The following CYP2F1 variants were observed in gnomAD, a reference collection of about 807,000 sequenced individuals.
CYP2F1 encodes the protein cytochrome P450 2F1.
CYP2F1 carries 33 observed loss-of-function variants against 40.4 expected under a neutral mutation model. The ratio of observed to expected loss-of-function variants is 0.82; its 90% CI spans 0.62 to 1.09. The LOEUF is 1.09. Among genes scored for constraint, CYP2F1 ranks in the 50% least tolerant of loss-of-function variants. The probability of loss-of-function intolerance (pLI) is 0.00; values close to 1 mark genes in which losing one functional copy is unlikely to be tolerated. For synonymous variants in CYP2F1, 235 were observed against 277.2 expected (o/e 0.85, Z 1.51); for missense variants, 566 against 655.7 (o/e 0.86, Z 1.49).
chr19:41,126,204 T>A (rs1046292090), intron 9 of CYP2F1, among the ~76,000 whole-genome samples: 1 of 151,826 alleles, frequency 6.6e-6, no homozygotes, highest in African/African-American at 2.4e-5. Context: ...GGCGGGCAGA[T>A]TACCTGAAGT....
intron 1 of CYP2F1, among the ~76,000 whole-genome samples, chr19:41,115,773 AAAAG>A (rs575781304): frequency 6.6e-4 from 100 of 150,664 alleles, no homozygotes; most frequent in African/African-American, 1.9e-3. Context: ...AGAAAAAGAA[AAAAG>A]AAAGAAAGAA....
At position 41,124,012 on chromosome 19, in the gene CYP2F1, C is replaced by A. The variant is rs1337932250; in HGVS notation, c.965-707C>A. The stretch of plus-strand genomic sequence containing the variant: ...CCCCAAGCTCCATCTCTGGGTGTAT[C>A]CCCTGCTCTGCCCCTGATCTCCAGC... On this transcript the variant is annotated intron_variant, in intron 7 of 9. Coordinates refer to ENST00000331105, the MANE Select transcript of CYP2F1 (RefSeq NM_000774.5). 1.7e-4 allele frequency among the ~76,000 whole-genome samples: 26 copies of A among 151,962 alleles called. 1 individual carries two copies. Among genetic ancestry groups the A allele is most frequent in the Admixed American group, 1.7e-3 (26 of 15,248 alleles).
intron 7 of CYP2F1, 190 bp downstream of exon 7, chr19:41,123,153 C>T (rs144438871): frequency 2.8e-4 from 199 of 716,622 alleles, no homozygotes; most frequent in East Asian, 2.0e-3. Flanking sequence ...GCAGCCTGCC[C>T]GAATCCCGAC....
intron 3 of CYP2F1, 131 bp downstream of exon 3, chr19:41,116,748 T>C: frequency 9.5e-7 from 1 of 1,050,176 alleles, no homozygotes; most frequent in Non-Finnish European, 1.4e-6. Flanking sequence ...CCAAATGCAA[T>C]GCAGCGAGGC....
chr19:41,123,222 G>T, intron 7 of CYP2F1: 1 of 564,624 alleles, frequency 1.8e-6, no homozygotes, highest in Non-Finnish European at 3.4e-6. Context: ...TTTGGAGACG[G>T]AGTCTGGCTC....
intron 4 of CYP2F1, 98 bp from the exon 5 acceptor site, chr19:41,121,360 G>T: frequency 3.2e-6 from 4 of 1,243,822 alleles, no homozygotes; most frequent in Middle Eastern, 2.0e-4. Flanking sequence ...ACGTTGCCAT[G>T]GTTGAGTCGG....
intron 3 of CYP2F1, among the ~76,000 whole-genome samples, chr19:41,117,479 T>C (rs540480998): frequency 2.6e-5 from 4 of 152,106 alleles, no homozygotes; most frequent in Admixed American, 6.6e-5. Context: ...CCCCATCTCC[T>C]AACCCAATTA....
rs565296541 is a variant in CYP2F1 at position 41,128,237 on chromosome 19, C to G, written c.*155C>G. On this transcript the variant is annotated 3_prime_UTR_variant, in exon 10 of 10. Transcript: ENST00000331105. ...TGCCGCGTGCCCTTCCCCCATCCCT[C>G]CAATCTGTGCCCCGTCTGCAGGGCA... The G allele has an allele frequency of 4.5e-6, 3 of 667,178 alleles. 1 individual carries two copies. In the African/African-American group the frequency reaches 6.0e-5, roughly 13 times the overall value. 41.3% of individuals were successfully genotyped at this position (667,178 alleles called of 1,614,324 possible). A position where few individuals can be genotyped will look rare whatever the true frequency, so the allele number is the denominator to read the frequency against.
At chr19:41,123,978 G>A (rs1211667934) in intron 7 of CYP2F1, among the ~76,000 whole-genome samples, 1 of 151,946 alleles carries the variant, frequency 6.6e-6, no homozygotes, top group Non-Finnish European at 1.5e-5. Flanking sequence ...TCTGTCTGCT[G>A]CTCCACCTCC....
intron 1 of CYP2F1, among the ~76,000 whole-genome samples, chr19:41,115,930 T>C (rs1222700091): frequency 6.6e-6 from 1 of 152,070 alleles, no homozygotes; most frequent in Non-Finnish European, 1.5e-5. Flanking sequence ...CCTCTCTTAG[T>C]CTCTGTTCCT....
At position 41,119,742 on chromosome 19, in the gene CYP2F1, T is replaced by TACAC. The variant is rs1163848947; in HGVS notation, c.335-604_335-603insCACA. Among the ~76,000 whole-genome samples the TACAC allele has an allele frequency of 1.0e-3, 74 of 71,432 alleles. 1 individual carries two copies. The South Asian group carries it at 0.011, about 10-fold the overall frequency. The allele number at this position is 71,432 out of a possible 152,430, so 46.9% of individuals were successfully genotyped here. ...CTCTCTCTATATATATATATATATA[T>TACAC]ATATATACACACACACACACACACA... On this transcript the variant is annotated intron_variant, in intron 3 of 9. Coordinates refer to ENST00000331105, the MANE Select transcript of CYP2F1 (RefSeq NM_000774.5).
chr19:41,128,091 C>A lies in CYP2F1; in HGVS notation c.*9C>A, dbSNP rs2032617843. The A allele has an allele frequency of 1.9e-6, 3 of 1,597,246 alleles. No homozygotes were observed. The highest frequency in any genetic ancestry group is 2.6e-6 in the Non-Finnish European group (3 of 1,172,182). ...GCCTGCGCCCGCGCTAACGCCCCGG[C>A]CCTTCCAGATTCGCCTGTGAGCGAT... is the stretch of plus-strand genomic sequence containing the variant. On this transcript the variant is annotated 3_prime_UTR_variant, in exon 10 of 10. Transcript: ENST00000331105.
In CYP2F1 at chr19:41,124,785, C is replaced by T. The variant is rs761170962; in HGVS notation, c.1031C>T (p.Ala344Val). 34 of 1,610,042 alleles carry T rather than the reference C, an allele frequency of 2.1e-5. 1 individual carries two copies. In the South Asian group the frequency reaches 3.6e-4, roughly 17 times the overall value. ...CGGCTGCCGGCGCTGAAGGACCGCG[C>T]GGCCATGCCTTACACAGACGCGGTG... ...RARLPALKDR[A>V]AMPYTDAVIH... The change falls in exon 8 of 10, where the codon GCG (alanine) becomes GTG (valine). Residue 344 changes from alanine to valine, a missense_variant. Ala to Val is a moderately conservative substitution (Grantham distance 64). Transcript: ENST00000331105.
intron 1 of CYP2F1, among the ~76,000 whole-genome samples, chr19:41,114,770 T>TTCTCTCTC (rs201163201): frequency 7.4e-6 from 1 of 134,788 alleles, no homozygotes; most frequent in Non-Finnish European, 1.6e-5. Context: ...CTCCGTCTCT[T>TTCTCTCTC]TCTCTCTCTC....
Position 41,121,893 on chromosome 19 carries a change from C to A in CYP2F1, c.646-64C>A, listed in dbSNP as rs186594644. Reference sequence around the variant, plus strand: ...TCCCTGCCTACCTAATCCACACTGACCCCATTCGCCCCTGAACACCCTTTG... The same window carrying A: ...TCCCTGCCTACCTAATCCACACTGAACCCATTCGCCCCTGAACACCCTTTG... On this transcript the variant is annotated intron_variant, in intron 5 of 9. Coordinates refer to ENST00000331105, the MANE Select transcript of CYP2F1 (RefSeq NM_000774.5). The A allele has an allele frequency of 9.7e-5, 145 of 1,490,144 alleles. 1 individual carries two copies. In the African/African-American group the frequency reaches 1.5e-3, roughly 16 times the overall value. 92.3% of individuals were successfully genotyped at this position (1,490,144 alleles called of 1,614,324 possible).
chr19:41,127,989 G>T lies in CYP2F1; in HGVS notation c.1383G>T (p.Pro461=), dbSNP rs145548129. 6.2e-7 allele frequency: 1 copy of T among 1,613,334 alleles called. No homozygotes were observed. Among genetic ancestry groups the T allele is most frequent in the Non-Finnish European group, 8.5e-7 (1 of 1,179,964 alleles). Residue 461 remains proline, a synonymous_variant, in exon 10 of 10, where the codon CCG becomes CCT. Transcript: ENST00000331105. ...TCCTGCAGAGCTTTTCGCTGCAGCC[G>T]CTGGGTGCGCCCGAGGACATCGACC... ...TAILQSFSLQ[P]LGAPEDIDLT...
At chr19:41,121,136 T>C (rs546794972) in intron 4 of CYP2F1, among the ~76,000 whole-genome samples, 12 of 152,044 alleles carry the variant, frequency 7.9e-5, no homozygotes, top group Non-Finnish European at 1.6e-4. Flanking sequence ...TGCCCTGTGT[T>C]GTTGTGTTCC....
rs76335535 is a variant in CYP2F1 at position 41,116,590 on chromosome 19, G to T, written c.307G>T (p.Ala103Ser). 2 of 1,613,798 alleles carry T rather than the reference G, an allele frequency of 1.2e-6. No homozygotes were observed. The highest frequency in any genetic ancestry group is 8.5e-7 in the Non-Finnish European group (1 of 1,179,970). The stretch of plus-strand genomic sequence containing the variant: ...GTTTAGTGGCCGCGGTGACTACCCT[G>T]CCTTTTTCAACTTTACCAAGGGCAA... ...EEFSGRGDYPAFFNFTKGNGI... is the reference protein window; with the variant it reads ...EEFSGRGDYPSFFNFTKGNGI... Residue 103 changes from alanine (A) to serine (S), a missense_variant, in exon 3 of 10, where the codon GCC becomes TCC. Physicochemically the swap from Ala to Ser is moderately conservative, Grantham distance 99. Coordinates refer to ENST00000331105, the MANE Select transcript of CYP2F1 (RefSeq NM_000774.5).
Position 41,124,744 on chromosome 19 carries a change from C to T in CYP2F1, c.990C>T (p.Leu330=), listed in dbSNP as rs1215608292. Residue 330 remains leucine (L), a synonymous_variant, in exon 8 of 10, where the codon CTC becomes CTT. Coordinates refer to ENST00000331105, the MANE Select transcript of CYP2F1 (RefSeq NM_000774.5). ...VQARVQEEID[L]VVGRARLPAL... ...CCCGCGTGCAGGAGGAGATCGACCT[C>T]GTGGTGGGACGCGCGCGGCTGCCGG... The T allele has an allele frequency of 3.7e-6, 6 of 1,604,694 alleles. No homozygotes were observed. The highest frequency in any genetic ancestry group is 2.7e-5 in the African/African-American group (2 of 74,908).
Sources: allele counts gnomAD v4.1 joint callset (sites outside exome capture counted in the v4.1 genomes callset), GRCh38; gene constraint gnomAD v4.1.1; transcripts MANE v1.5; gene names NCBI Gene and HGNC (gene_info 2026-07-23, HGNC 2026-07-21).